The following FAAH2 variants were observed in gnomAD, a reference collection of about 807,000 sequenced individuals.
FAAH2 encodes the protein fatty acid amide hydrolase 2.
A neutral mutation model predicts 36.9 loss-of-function variants in FAAH2; 60 were observed. The ratio of observed to expected loss-of-function variants is 1.63; its 90% CI spans 1.32 to 2.02. The LOEUF is 2.02. Ranked by LOEUF, FAAH2 falls within the 30% of genes most tolerant of loss-of-function variation. The probability of loss-of-function intolerance (pLI) is 0.00; values close to 1 mark genes in which losing one functional copy is unlikely to be tolerated. For synonymous variants in FAAH2, 214 were observed against 143.8 expected (o/e 1.49, Z -3.49); for missense variants, 689 against 397.5 (o/e 1.73, Z -6.23).
chrX:57,233,770 G>A, the FAAH2 span, among the ~76,000 whole-genome samples: 2 of 112,878 alleles, frequency 1.8e-5, no homozygotes, highest in East Asian at 2.8e-4. Flanking sequence ...CTCCCAAGTA[G>A]CTGAGATTAC....
At chrX:57,157,111 T>C in the FAAH2 span, among the ~76,000 whole-genome samples, 95 of 111,833 alleles carry the variant, frequency 8.5e-4, 1 homozygote, top group East Asian at 0.017. Context: ...GCTGAGCTGA[T>C]ACCCAGTTGC....
intron 5 of FAAH2, among the ~76,000 whole-genome samples, chrX:57,346,794 G>A (rs192534058): frequency 9.0e-6 from 1 of 111,476 alleles, no homozygotes; most frequent in East Asian, 2.8e-4. Flanking sequence ...CACTTCATCT[G>A]GGAAGGACTT....
chrX:57,342,101 G>A (rs746413030), intron 5 of FAAH2, among the ~76,000 whole-genome samples: 1 of 111,668 alleles, frequency 9.0e-6, no homozygotes, highest in South Asian at 3.8e-4. Flanking sequence ...ATAAAAATAT[G>A]CTAAGAATAA....
At chrX:57,333,245 C>T (rs1345729926) in intron 4 of FAAH2, among the ~76,000 whole-genome samples, 2 of 111,625 alleles carry the variant, frequency 1.8e-5, no homozygotes, top group Non-Finnish European at 3.8e-5. Context: ...ACACCTGACA[C>T]CTATGGCTAC....
At chrX:57,421,929 G>A (rs912651650) in intron 7 of FAAH2, among the ~76,000 whole-genome samples, 3 of 111,845 alleles carry the variant, frequency 2.7e-5, no homozygotes, top group Non-Finnish European at 5.6e-5. Flanking sequence ...TAATGGACCA[G>A]TGCAATGCCT....
chrX:57,194,005 G>T, the FAAH2 span, among the ~76,000 whole-genome samples: 2,448 of 111,013 alleles, frequency 0.022, 77 homozygotes, highest in African/African-American at 0.076. Context: ...ATGTGTCTTT[G>T]TCTGGTTTTG....
the FAAH2 span, among the ~76,000 whole-genome samples, chrX:57,165,814 C>G: frequency 2.7e-5 from 3 of 110,766 alleles, no homozygotes; most frequent in Non-Finnish European, 3.8e-5. Context: ...AATGTGGGGT[C>G]CCTGGCAAGA....
Position 57,341,256 on chromosome X carries a change from T to C in FAAH2, c.623-15T>C. ...ATTAGATTATTTATTTGCAAGTATT[T>C]TGTGTTTCTTGTAGGTGGTGAGGGC... On this transcript the variant is annotated splice_polypyrimidine_tract_variant and intron_variant, in intron 4 of 10. Coordinates refer to ENST00000374900, the MANE Select transcript of FAAH2 (RefSeq NM_174912.4). The C allele has an allele frequency of 8.4e-7, 1 of 1,189,501 alleles. No individual in the cohort carries two copies.
chrX:57,481,918 C>T (rs952216063), intron 10 of FAAH2, among the ~76,000 whole-genome samples: 4 of 112,049 alleles, frequency 3.6e-5, no homozygotes, highest in African/African-American at 1.3e-4. Context: ...AAGCACCCGA[C>T]TGGGGCTGTT....
intron 8 of FAAH2, among the ~76,000 whole-genome samples, chrX:57,432,865 A>G (rs2147117292): frequency 9.0e-6 from 1 of 110,781 alleles, no homozygotes; most frequent in South Asian, 3.8e-4. Flanking sequence ...AGCTATTGAT[A>G]CCCATTTTAC....
At chrX:57,138,905 G>C in the FAAH2 span, among the ~76,000 whole-genome samples, 1 of 111,800 alleles carries the variant, frequency 8.9e-6, no homozygotes, top group Non-Finnish European at 1.9e-5. Flanking sequence ...TTTTAAATCA[G>C]ATTATTTGAT....
At position 57,480,974 on chromosome X, in the gene FAAH2, G is replaced by A. The variant is rs771606534; in HGVS notation, c.1424-7783G>A. Among the ~76,000 whole-genome samples the A allele has an allele frequency of 3.0e-5, 3 of 99,639 alleles. No individual in the cohort carries two copies. The South Asian group carries it at 1.4e-3, about 48-fold the overall frequency. The allele number at this position is 99,639 out of a possible 115,157, so 86.5% of individuals were successfully genotyped here. A position where few individuals can be genotyped will look rare whatever the true frequency, so the allele number is the denominator to read the frequency against. ...TTTTTTTTTCTAATCTTGTAATCTT[G>A]CCTTATTTCAGTAAGGTGATTTTCA... On this transcript the variant is annotated intron_variant, in intron 10 of 10. Transcript: ENST00000374900.
At chrX:57,462,275 A>C (rs2056973746) in intron 10 of FAAH2, among the ~76,000 whole-genome samples, 1 of 111,342 alleles carries the variant, frequency 9.0e-6, no homozygotes, top group Non-Finnish European at 1.9e-5. Context: ...TCCGAAGAAT[A>C]GAAGAAGAGG....
intron 7 of FAAH2, among the ~76,000 whole-genome samples, chrX:57,431,226 A>G (rs1363534392): frequency 8.9e-6 from 1 of 111,966 alleles, no homozygotes; most frequent in Non-Finnish European, 1.9e-5. Flanking sequence ...TGACCTGACA[A>G]GACTTGAGTC....
At chrX:57,307,584 T>C (rs986738714) in intron 2 of FAAH2, among the ~76,000 whole-genome samples, 1 of 111,740 alleles carries the variant, frequency 8.9e-6, no homozygotes, top group Non-Finnish European at 1.9e-5. Flanking sequence ...ATTATTTAAC[T>C]AAATATGTCA....
chrX:57,410,605 A>C (rs939089204), intron 7 of FAAH2, among the ~76,000 whole-genome samples: 1 of 111,720 alleles, frequency 9.0e-6, no homozygotes, highest in Non-Finnish European at 1.9e-5. Flanking sequence ...CTGTTTTATC[A>C]TTATATAATA....
intron 3 of FAAH2, among the ~76,000 whole-genome samples, chrX:57,327,815 A>C (rs763037355): frequency 9.3e-4 from 104 of 111,612 alleles, no homozygotes; most frequent in African/African-American, 1.1e-3. Flanking sequence ...GTAGTTTGAT[A>C]ATCTGAAGCC....
intron 10 of FAAH2, among the ~76,000 whole-genome samples, chrX:57,462,168 A>AAAG (rs1022906175): frequency 7.2e-5 from 4 of 55,935 alleles, no homozygotes; most frequent in African/African-American, 3.1e-4. Context: ...TAGCCTACAA[A>AAAG]AAAAAAAAAA....
intron 7 of FAAH2, among the ~76,000 whole-genome samples, chrX:57,403,699 C>T (rs2055495982): frequency 8.9e-6 from 1 of 112,309 alleles, no homozygotes; most frequent in Admixed American, 9.4e-5. Context: ...CTTAACTCTG[C>T]TTCTACAAGA....
Sources: gnomAD v4.1 joint callset for allele counts (sites outside exome capture counted in the v4.1 genomes callset) on GRCh38, gnomAD v4.1.1 for gene constraint, MANE v1.5 for transcripts, NCBI Gene and HGNC (gene_info 2026-07-23, HGNC 2026-07-21) for gene names.